POU6F2: variants seen among roughly 807,000 people sequenced by gnomAD.
The protein encoded by POU6F2 is POU class 6 homeobox 2.
Under a neutral mutation model 71.3 loss-of-function variants are expected in POU6F2, and 31 were observed. That is an observed-to-expected ratio of 0.43 (90% CI 0.33 to 0.59). The LOEUF (loss-of-function observed/expected upper bound fraction) is 0.59. Ranked by LOEUF, POU6F2 falls within the 20% of genes least tolerant of loss-of-function variation. The pLI, the probability that POU6F2 is intolerant of heterozygous loss-of-function variation, is 0.04. For missense variants in POU6F2, 783 were observed against 856.8 expected, an observed-to-expected ratio of 0.91 and a Z score of 1.07; for synonymous variants, 347 against 355.7, an observed-to-expected ratio of 0.98 and a Z score of 0.27.
At chr7:39,231,413 A>G (rs749005436) in intron 4 of POU6F2, among the ~76,000 whole-genome samples, 2 of 152,170 alleles carry the variant, frequency 1.3e-5, no homozygotes, top group Admixed American at 1.3e-4. Flanking sequence ...GGCATTTACT[A>G]TATGCTTTAT....
At chr7:39,407,309 A>C (rs909744365) in intron 6 of POU6F2, among the ~76,000 whole-genome samples, 3 of 151,824 alleles carry the variant, frequency 2.0e-5, no homozygotes, top group African/African-American at 7.3e-5. Context: ...GCCAATTCCT[A>C]CGGAAGCCAG....
At chr7:39,056,829 A>G (rs967839150) in intron 1 of POU6F2, among the ~76,000 whole-genome samples, 1 of 151,902 alleles carries the variant, frequency 6.6e-6, no homozygotes, top group African/African-American at 2.4e-5. Context: ...TGAGATCAGC[A>G]CTTCCAGGTT....
chr7:39,197,114 G>C (rs1442463032), intron 2 of POU6F2, among the ~76,000 whole-genome samples: 1 of 152,162 alleles, frequency 6.6e-6, no homozygotes. Flanking sequence ...GTGTAGGAGG[G>C]TGGAGGGGGC....
At chr7:38,979,708 A>C (rs1015160668) in intron 1 of POU6F2, among the ~76,000 whole-genome samples, 3 of 152,208 alleles carry the variant, frequency 2.0e-5, no homozygotes, top group Non-Finnish European at 4.4e-5. Flanking sequence ...ATTGAAATAA[A>C]ACTTGAGCCC....
intron 7 of POU6F2, among the ~76,000 whole-genome samples, chr7:39,441,060 T>C (rs1248008850): frequency 6.6e-6 from 1 of 152,020 alleles, no homozygotes; most frequent in African/African-American, 2.4e-5. Flanking sequence ...AAAAAATGGG[T>C]GCCTCCTCCT....
chr7:38,979,200 A>G (rs1788253747), intron 1 of POU6F2, among the ~76,000 whole-genome samples: 1 of 27,288 alleles, frequency 3.7e-5, no homozygotes, highest in African/African-American at 8.8e-5. Flanking sequence ...ATAAACTCCT[A>G]AAAGTTTTTT....
At chr7:39,326,739 C>G (rs1259324347) in intron 4 of POU6F2, among the ~76,000 whole-genome samples, 1 of 152,022 alleles carries the variant, frequency 6.6e-6, no homozygotes, top group African/African-American at 2.4e-5. Context: ...TTTTCTTTAA[C>G]TCATGCTGTA....
At chr7:39,226,970 A>G (rs1253374992) in intron 4 of POU6F2, among the ~76,000 whole-genome samples, 1 of 152,216 alleles carries the variant, frequency 6.6e-6, no homozygotes, top group African/African-American at 2.4e-5. Flanking sequence ...TTTGAAATAT[A>G]TCACTTCTAA....
intron 8 of POU6F2, among the ~76,000 whole-genome samples, chr7:39,458,822 A>G (rs1429184664): frequency 6.6e-6 from 1 of 151,994 alleles, no homozygotes; most frequent in African/African-American, 2.4e-5. Context: ...ACAGGTCCCT[A>G]CGGTGCCCTG....
At chr7:39,363,973 T>A (rs989874571) in intron 5 of POU6F2, among the ~76,000 whole-genome samples, 7 of 152,230 alleles carry the variant, frequency 4.6e-5, no homozygotes, top group African/African-American at 1.7e-4. Flanking sequence ...GCATAATAGC[T>A]AGAGGGGAGG....
intron 1 of POU6F2, among the ~76,000 whole-genome samples, chr7:38,987,765 C>T (rs919118165): frequency 4.6e-5 from 7 of 152,056 alleles, no homozygotes; most frequent in African/African-American, 1.7e-4. Context: ...TCTTTAATTA[C>T]GTCACCTCAC....
intron 2 of POU6F2, among the ~76,000 whole-genome samples, chr7:39,193,091 G>A (rs1793704223): frequency 6.6e-6 from 1 of 152,178 alleles, no homozygotes; most frequent in Admixed American, 6.5e-5. Flanking sequence ...CTGAGCATCT[G>A]CCTTTCTCAC....
At chr7:39,040,710 A>C (rs76556158) in intron 1 of POU6F2, among the ~76,000 whole-genome samples, 83 of 151,986 alleles carry the variant, frequency 5.5e-4, no homozygotes, top group Middle Eastern at 3.4e-3. Context: ...TTCAATGATA[A>C]AATATGTAAA....
rs1791225471 is a variant in POU6F2, at chr7:39,085,726, TAAG to T, written c.106-132_106-130del. On this transcript the variant is annotated intron_variant, in intron 1 of 9. Transcript: ENST00000518318. ...CAATAACAGCGGGAGCAGCCAGAGATAAGAGAGAGAGGAGAGAGGGAGAGTGTG... is the reference window on the plus strand; with the variant it reads ...CAATAACAGCGGGAGCAGCCAGAGATAGAGAGAGGAGAGAGGGAGAGTGTG... The T allele has an allele frequency of 3.3e-6, 3 of 912,400 alleles. No individual in the cohort carries two copies. The Admixed American group carries it at 6.6e-5, about 20-fold the overall frequency. 56.5% of individuals were successfully genotyped at this position (912,400 alleles called of 1,614,324 possible).
chr7:39,319,763 C>T (rs1785347400), intron 4 of POU6F2, among the ~76,000 whole-genome samples: 1 of 152,190 alleles, frequency 6.6e-6, no homozygotes. Context: ...GGGACATAAA[C>T]CAGCTCCATG....
chr7:39,361,161 G>T (rs751381015), intron 5 of POU6F2, among the ~76,000 whole-genome samples: 1 of 152,210 alleles, frequency 6.6e-6, no homozygotes, highest in African/African-American at 2.4e-5. Context: ...ACTGTGCTCA[G>T]CCTTGATTTC....
intron 4 of POU6F2, among the ~76,000 whole-genome samples, chr7:39,305,075 T>C (rs1785024354): frequency 6.6e-6 from 1 of 152,258 alleles, no homozygotes; most frequent in Non-Finnish European, 1.5e-5. Flanking sequence ...ATTCACAAGT[T>C]AACATGTGTG....
intron 6 of POU6F2, among the ~76,000 whole-genome samples, chr7:39,419,395 C>T (rs890081574): frequency 1.3e-5 from 2 of 151,604 alleles, no homozygotes; most frequent in East Asian, 1.9e-4. Context: ...CGCACCATCA[C>T]GGCCCACTAA....
At chr7:39,327,234 A>C (rs746930333) in intron 4 of POU6F2, among the ~76,000 whole-genome samples, 174 of 151,398 alleles carry the variant, frequency 1.1e-3, no homozygotes, top group African/African-American at 3.9e-3. Flanking sequence ...AGCTGAGATC[A>C]CGCCACTGCA....
Sources: allele counts gnomAD v4.1 joint callset (sites outside exome capture counted in the v4.1 genomes callset), GRCh38; gene constraint gnomAD v4.1.1; transcripts MANE v1.5; gene names NCBI Gene and HGNC (gene_info 2026-07-23, HGNC 2026-07-21).